Variants in SMIM10L3 observed in about 807,000 individuals in gnomAD.
The protein encoded by SMIM10L3 is small integral membrane protein 10 like 3, also known as salivary gland specific protein SAGSIN1.
the SMIM10L3 span, among the ~76,000 whole-genome samples, chr7:6,346,406 G>A: frequency 2.0e-5 from 3 of 151,702 alleles, no homozygotes; most frequent in Admixed American, 6.6e-5. Context: ...TCTTACTGTC[G>A]CCCAGGCTGG....
chr7:6,343,467 T>C, the SMIM10L3 span, among the ~76,000 whole-genome samples: 1 of 143,078 alleles, frequency 7.0e-6, no homozygotes, highest in East Asian at 2.0e-4. Flanking sequence ...AAGAAACACT[T>C]CGTTCTTCCC....
the SMIM10L3 span, among the ~76,000 whole-genome samples, chr7:6,333,866 C>CA: frequency 9.5e-6 from 1 of 105,514 alleles, no homozygotes; most frequent in African/African-American, 3.7e-5. Context: ...TTTTTTGAGA[C>CA]AGAGTCTTGC....
chr7:6,342,875 C>T, the SMIM10L3 span, among the ~76,000 whole-genome samples: 5 of 150,976 alleles, frequency 3.3e-5, no homozygotes, highest in African/African-American at 9.7e-5. Flanking sequence ...CATCTAGAAA[C>T]AAAATGAAAA....
the SMIM10L3 span, among the ~76,000 whole-genome samples, chr7:6,333,910 C>T: frequency 0.31 from 44,071 of 144,386 alleles, 8,112 homozygotes; most frequent in East Asian, 0.86. Flanking sequence ...GCAGTGGCGC[C>T]ATCTCAGCTC....
the SMIM10L3 span, among the ~76,000 whole-genome samples, chr7:6,333,502 G>C: frequency 1.3e-5 from 2 of 152,106 alleles, no homozygotes; most frequent in East Asian, 1.9e-4. Flanking sequence ...TCATATTGTT[G>C]TTGTTGCTGT....
At chr7:6,330,207 G>GC in the SMIM10L3 span, 1 of 673,990 alleles carries the variant, frequency 1.5e-6, no homozygotes. Context: ...AGTTCCTTCC[G>GC]CATCAACTGG....
At chr7:6,333,644 A>G in the SMIM10L3 span, among the ~76,000 whole-genome samples, 1 of 150,624 alleles carries the variant, frequency 6.6e-6, no homozygotes, top group Non-Finnish European at 1.5e-5. Flanking sequence ...GATTACAGGC[A>G]GGCACCACCA....
the SMIM10L3 span, among the ~76,000 whole-genome samples, chr7:6,336,771 T>C: frequency 6.6e-6 from 1 of 151,466 alleles, no homozygotes; most frequent in Non-Finnish European, 1.5e-5. Context: ...CACCTCACCT[T>C]AGCCTCCCAA....
chr7:6,345,693 C>T, the SMIM10L3 span, among the ~76,000 whole-genome samples: 68 of 152,150 alleles, frequency 4.5e-4, no homozygotes, highest in African/African-American at 1.6e-3. Context: ...AGTACAGGAG[C>T]CAAATACAGC....
chr7:6,344,600 G>A, the SMIM10L3 span, among the ~76,000 whole-genome samples: 1 of 151,956 alleles, frequency 6.6e-6, no homozygotes. Flanking sequence ...TGTATTTTTT[G>A]TAGAGACGGA....
chr7:6,343,464 A>T, the SMIM10L3 span, among the ~76,000 whole-genome samples: 1 of 140,052 alleles, frequency 7.1e-6, no homozygotes, highest in Admixed American at 7.4e-5. Flanking sequence ...ACTAAGAAAC[A>T]CTTCGTTCTT....
At chr7:6,337,725 G>T in the SMIM10L3 span, among the ~76,000 whole-genome samples, 2 of 151,616 alleles carry the variant, frequency 1.3e-5, no homozygotes, top group Non-Finnish European at 2.9e-5. Flanking sequence ...ATTGTCCCCT[G>T]AAGTTCTTCT....
the SMIM10L3 span, among the ~76,000 whole-genome samples, chr7:6,334,057 A>G: frequency 1.3e-5 from 2 of 151,086 alleles, no homozygotes; most frequent in African/African-American, 2.4e-5. Context: ...CATGTTAGCC[A>G]GGATGGAATC....
chr7:6,343,406 ATATATATATATATATATAT>A, the SMIM10L3 span, among the ~76,000 whole-genome samples: 150 of 24,788 alleles, frequency 6.1e-3, no homozygotes, highest in Middle Eastern at 0.02. Context: ...TCATATATAT[ATATATATATATATATATAT>A]ATATATATAT....
At chr7:6,337,015 C>G in the SMIM10L3 span, among the ~76,000 whole-genome samples, 127 of 151,978 alleles carry the variant, frequency 8.4e-4, no homozygotes, top group African/African-American at 2.9e-3. Flanking sequence ...GAACATTATC[C>G]TTAAACGGAA....
the SMIM10L3 span, chr7:6,330,661 C>A: frequency 6.2e-7 from 1 of 1,614,128 alleles, no homozygotes; most frequent in Non-Finnish European, 8.5e-7. Flanking sequence ...CTGAAAACTT[C>A]CCATTTCCGG....
At chr7:6,339,044 C>T in the SMIM10L3 span, among the ~76,000 whole-genome samples, 1 of 152,158 alleles carries the variant, frequency 6.6e-6, no homozygotes, top group Non-Finnish European at 1.5e-5. Flanking sequence ...AACAAACCCC[C>T]GGATTTCCAC....
the SMIM10L3 span, chr7:6,331,283 C>A: frequency 2.3e-6 from 2 of 865,724 alleles, no homozygotes; most frequent in South Asian, 1.8e-5. Flanking sequence ...ACACATGGGT[C>A]TTAAGAGCAT....
the SMIM10L3 span, among the ~76,000 whole-genome samples, chr7:6,334,659 G>A: frequency 2.6e-5 from 4 of 151,810 alleles, no homozygotes; most frequent in Non-Finnish European, 2.9e-5. Context: ...TAGAGATGGG[G>A]TTCCACGAGT....
Sources: gnomAD v4.1 joint callset for allele counts (sites outside exome capture counted in the v4.1 genomes callset) on GRCh38, gnomAD v4.1.1 for gene constraint, MANE v1.5 for transcripts, NCBI Gene and HGNC (gene_info 2026-07-23, HGNC 2026-07-21) for gene names.